ZNF107: variants seen among roughly 807,000 people sequenced by gnomAD.
ZNF107 encodes the protein C2H2 type zinc-finger protein.
A neutral mutation model predicts 12.3 loss-of-function variants in ZNF107; 19 were observed. The ratio of observed to expected loss-of-function variants is 1.55; its 90% CI spans 1.08 to 2.27. The LOEUF (loss-of-function observed/expected upper bound fraction) is 2.27. ZNF107 is among the 30% of genes most tolerant of loss of function. The pLI, the probability that ZNF107 is intolerant of heterozygous loss-of-function variation, is 0.00. For missense variants in ZNF107, 958 were observed against 979.9 expected (o/e 0.98, Z 0.30); for synonymous variants, 317 against 330.5 (o/e 0.96, Z 0.44).
In ZNF107 at chr7:64,709,693, T is replaced by G. The variant is rs1790819797; in HGVS notation, c.*1037T>G. On this transcript the variant is annotated 3_prime_UTR_variant, in exon 4 of 4. Coordinates refer to ENST00000620827, the MANE Select transcript of ZNF107 (RefSeq NM_001282359.2). ...GGAAAGCATTTATACTTCAGAAAGATTGTACAAATACAAGGAATGTGGAAA... is the reference window on the plus strand; with the variant it reads ...GGAAAGCATTTATACTTCAGAAAGAGTGTACAAATACAAGGAATGTGGAAA... 1 of 455,554 alleles carries G rather than the reference T, an allele frequency of 2.2e-6. No individual in the cohort carries two copies. Among genetic ancestry groups the G allele is most frequent in the Non-Finnish European group, 4.4e-6 (1 of 226,720 alleles). 28.2% of individuals were successfully genotyped at this position (455,554 alleles called of 1,614,324 possible).
chr7:64,671,450 C>T (rs764185479), intron 1 of ZNF107, among the ~76,000 whole-genome samples: 2 of 152,154 alleles, frequency 1.3e-5, no homozygotes, highest in Non-Finnish European at 1.5e-5. Context: ...TATTCCCAGA[C>T]ACTGAATCTG....
Position 64,709,233 on chromosome 7 carries a change from CT to C in ZNF107, c.*581del. 1 of 391,492 alleles carries C rather than the reference CT, an allele frequency of 2.6e-6. No individual in the cohort carries two copies. The allele number at this position is 391,492 out of a possible 1,614,324, so 24.3% of individuals were successfully genotyped here. On this transcript the variant is annotated 3_prime_UTR_variant, in exon 4 of 4. Coordinates refer to ENST00000620827, the MANE Select transcript of ZNF107 (RefSeq NM_001282359.2). ...TACAAATGTGAAGTCTGTGGCAAAG[CT>C]TTTAACTGATTCTCAACTCTTACTA...
chr7:64,697,441 A>G (rs1790329930), intron 3 of ZNF107, among the ~76,000 whole-genome samples: 2 of 152,184 alleles, frequency 1.3e-5, no homozygotes, highest in Admixed American at 1.3e-4. Flanking sequence ...CCAACAGTGT[A>G]AAAGCGTTCT....
intron 1 of ZNF107, among the ~76,000 whole-genome samples, chr7:64,676,578 A>G (rs1789421124): frequency 6.6e-6 from 1 of 152,192 alleles, no homozygotes; most frequent in Non-Finnish European, 1.5e-5. Flanking sequence ...TTGGGACTCC[A>G]AACTCATTAA....
intron 3 of ZNF107, among the ~76,000 whole-genome samples, chr7:64,696,422 G>A (rs1790291358): frequency 6.6e-6 from 1 of 152,118 alleles, no homozygotes; most frequent in Non-Finnish European, 1.5e-5. Flanking sequence ...GATTGAGAGA[G>A]GAGGATTACT....
intron 1 of ZNF107, among the ~76,000 whole-genome samples, chr7:64,682,431 C>G (rs561128563): frequency 1.3e-5 from 2 of 152,186 alleles, no homozygotes; most frequent in East Asian, 3.9e-4. Context: ...AAAAGGCAAC[C>G]TAGCTGACCC....
chr7:64,697,330 C>T (rs1246934883), intron 3 of ZNF107, among the ~76,000 whole-genome samples: 64 of 152,100 alleles, frequency 4.2e-4, no homozygotes, highest in Admixed American at 4.2e-3. Flanking sequence ...TGGGTATATA[C>T]CCAGTAATGG....
chr7:64,708,393 T>C lies in ZNF107; in HGVS notation c.2296T>C (p.Cys766Arg), dbSNP rs550033362. 4 of 1,603,934 alleles carry C rather than the reference T, an allele frequency of 2.5e-6. No individual in the cohort carries two copies. Among genetic ancestry groups the C allele is most frequent in the Non-Finnish European group, 2.6e-6 (3 of 1,172,948 alleles). ...TGEKPYKCEE[C>R]GKAFNQSSNL... ...AGAGAAACCCTATAAATGTGAAGAA[T>C]GTGGCAAAGCTTTTAACCAATCCTC... Residue 766 changes from cysteine (C) to arginine (R), a missense_variant, in exon 4 of 4, where the codon TGT becomes CGT. Cys to Arg is a radical substitution (Grantham distance 180). Transcript: ENST00000620827.
chr7:64,706,482 G>T lies in ZNF107; in HGVS notation c.385G>T (p.Gly129Cys), dbSNP rs1448814948. The T allele has an allele frequency of 6.2e-7, 1 of 1,613,172 alleles. No homozygotes were observed. The highest frequency in any genetic ancestry group is 1.1e-5 in the South Asian group (1 of 90,990). Reference protein sequence around the residue: ...HVDECTGHKGGHNTVNQCLTA... With the variant: ...HVDECTGHKGCHNTVNQCLTA... Reference sequence around the variant, plus strand: ...GGATGAGTGTACGGGGCACAAAGGAGGTCATAATACAGTTAACCAATGTTT... The same window carrying T: ...GGATGAGTGTACGGGGCACAAAGGATGTCATAATACAGTTAACCAATGTTT... The change falls in exon 4 of 4, where the codon GGT becomes TGT. Residue 129 changes from glycine (G) to cysteine (C), a missense_variant. By Grantham distance (159) the Gly-to-Cys change is radical (BLOSUM62 -3). Transcript: ENST00000620827.
At chr7:64,701,725 T>C (rs899676873) in intron 3 of ZNF107, among the ~76,000 whole-genome samples, 1 of 152,046 alleles carries the variant, frequency 6.6e-6, no homozygotes, top group Middle Eastern at 3.2e-3. Flanking sequence ...ACTCAGATAA[T>C]CTTCTTATTT....
rs1158384475 is a variant in ZNF107 at position 64,706,633 on chromosome 7, G to A, written c.536G>A (p.Ser179Asn). ...AAACACTTCAAATGTAAAGAATGTA[G>A]CAAATCATTTTGCGTGCTTTCACAA... ...GNKHFKCKEC[S>N]KSFCVLSQLT... The change falls in exon 4 of 4, where the codon AGC becomes AAC. Residue 179 changes from serine to asparagine, a missense_variant. Ser to Asn is a conservative substitution (Grantham distance 46). Transcript: ENST00000620827. 1 of 1,613,266 alleles carries A rather than the reference G, an allele frequency of 6.2e-7. No homozygotes were observed. The highest frequency in any genetic ancestry group is 8.5e-7 in the Non-Finnish European group (1 of 1,179,600).
intron 3 of ZNF107, among the ~76,000 whole-genome samples, chr7:64,694,120 C>G (rs547606783): frequency 2.0e-5 from 3 of 152,196 alleles, no homozygotes; most frequent in Non-Finnish European, 2.9e-5. Flanking sequence ...CAGAACTGAC[C>G]ATGAACTGTG....
intron 1 of ZNF107, among the ~76,000 whole-genome samples, chr7:64,678,419 T>C (rs1203456011): frequency 6.6e-6 from 1 of 152,210 alleles, no homozygotes. Context: ...ATGTAGTTGT[T>C]CTTTGGTTTC....
Position 64,708,565 on chromosome 7 carries a change from G to A in ZNF107, c.2468G>A (p.Gly823Asp), listed in dbSNP as rs1341179277. 1.9e-6 allele frequency: 3 copies of A among 1,612,210 alleles called. No individual in the cohort carries two copies. In the Admixed American group the frequency reaches 5.0e-5, roughly 27 times the overall value. ...AAACCCTACAAATGTGGAGATTATG[G>A]CAGAGCTTTCAACCTATCCTCAAAT... ...GEKPYKCGDYGRAFNLSSNLT... is the reference protein window; with the variant it reads ...GEKPYKCGDYDRAFNLSSNLT... The change falls in exon 4 of 4, where the codon GGC (glycine) becomes GAC (aspartate). Residue 823 changes from glycine (G) to aspartate (D), a missense_variant. Physicochemically the swap from Gly to Asp is moderately conservative, Grantham distance 94. Transcript: ENST00000620827.
intron 1 of ZNF107, among the ~76,000 whole-genome samples, chr7:64,681,198 C>T (rs1789656964): frequency 1.3e-5 from 2 of 152,068 alleles, no homozygotes; most frequent in South Asian, 4.1e-4. Context: ...CCATCATGGA[C>T]CTCGGGTAAC....
rs1790840183 is a variant in ZNF107, at chr7:64,710,203, A to G, written c.*1547A>G. The G allele has an allele frequency of 6.5e-6, 1 of 153,076 alleles. No individual in the cohort carries two copies. The highest frequency in any genetic ancestry group is 2.4e-5 in the African/African-American group (1 of 41,460). The allele number at this position is 153,076 out of a possible 1,614,324, so 9.5% of individuals were successfully genotyped here. On this transcript the variant is annotated 3_prime_UTR_variant, in exon 4 of 4. Transcript: ENST00000620827. The stretch of plus-strand genomic sequence containing the variant: ...ATACGAAGAGGGTTGTAGTACCTTT[A>G]CTTGTATCACAGATACTTTTGTACC...
chr7:64,701,007 AT>A lies in ZNF107; in HGVS notation c.227-5312del, dbSNP rs1428922993. 2.0e-5 allele frequency among the ~76,000 whole-genome samples: 3 copies of A among 152,024 alleles called. No homozygotes were observed. In the East Asian group the frequency reaches 5.8e-4, roughly 29 times the overall value. ...TATGTTGCTATGTATTTCTTGCTTC[AT>A]TTTTGTCAGTATTTTCTTTATATAT... On this transcript the variant is annotated intron_variant, in intron 3 of 3. Transcript: ENST00000620827.
intron 3 of ZNF107, among the ~76,000 whole-genome samples, chr7:64,704,666 G>T (rs1451938861): frequency 6.6e-6 from 1 of 152,018 alleles, no homozygotes; most frequent in Non-Finnish European, 1.5e-5. Flanking sequence ...TACATTTTCA[G>T]AATTTTGTTT....
chr7:64,684,706 T>A (rs894818083), intron 1 of ZNF107: 1 of 985,294 alleles, frequency 1.0e-6, no homozygotes, highest in Non-Finnish European at 1.2e-6. Context: ...CACCTTAGAT[T>A]CTCTCTTAAA....
Sources: allele counts gnomAD v4.1 joint callset (sites outside exome capture counted in the v4.1 genomes callset), GRCh38; gene constraint gnomAD v4.1.1; transcripts MANE v1.5; gene names NCBI Gene and HGNC (gene_info 2026-07-23, HGNC 2026-07-21).